The following RERE variants were observed in gnomAD, a reference collection of about 807,000 sequenced individuals.
The protein encoded by RERE is arginine-glutamic acid dipeptide repeats, also known as arginine-glutamic acid dipeptide repeats protein.
In RERE, 40 loss-of-function variants were observed where a neutral mutation model predicts 146.1. That is an observed-to-expected ratio of 0.27 (90% CI 0.21 to 0.36). The LOEUF is 0.36. RERE is among the 10% of genes least tolerant of loss of function. RERE has a pLI of 1.00. For missense variants in RERE, 1,933 were observed against 2,138.7 expected (o/e 0.90, Z 1.90); for synonymous variants, 1,003 against 866.0 (o/e 1.16, Z -2.78).
chr1:8,423,746 G>A lies in RERE; in HGVS notation c.1204-939C>T, dbSNP rs1557625114. The A allele has an allele frequency of 1.6e-5, 15 of 958,856 alleles. No individual in the cohort carries two copies. The highest frequency in any genetic ancestry group is 1.9e-5 in the Non-Finnish European group (15 of 808,792). The allele number at this position is 958,856 out of a possible 1,614,324, so 59.4% of individuals were successfully genotyped here. On this transcript the variant is annotated intron_variant, in intron 11 of 22. Coordinates refer to ENST00000400908, the MANE Select transcript of RERE (RefSeq NM_001042681.2). The surrounding 1 kb of genome is among the most constrained non-coding windows in gnomAD (Gnocchi z 5.4). Reference sequence around the variant, plus strand: ...GGCCGCGCGGCGCGGGGCCCGGGGGGCGCGGGGCTGGGGCCGCCGCTGACG... The same window carrying A: ...GGCCGCGCGGCGCGGGGCCCGGGGGACGCGGGGCTGGGGCCGCCGCTGACG...
chr1:8,546,525 A>G (rs1185332860), intron 6 of RERE, among the ~76,000 whole-genome samples: 1 of 152,010 alleles, frequency 6.6e-6, no homozygotes, highest in African/African-American at 2.4e-5. Flanking sequence ...ATCAATGTGT[A>G]TTCTTTATTA....
At chr1:8,651,019 C>T (rs2124318094) in intron 2 of RERE, among the ~76,000 whole-genome samples, 1 of 152,106 alleles carries the variant, frequency 6.6e-6, no homozygotes, top group Non-Finnish European at 1.5e-5. Context: ...ATTGCTTGAA[C>T]CCAGGAGGCA....
chr1:8,760,202 T>C (rs543657532), intron 1 of RERE, among the ~76,000 whole-genome samples: 56 of 152,282 alleles, frequency 3.7e-4, no homozygotes, highest in African/African-American at 1.3e-3. Context: ...ATTTTTTGTA[T>C]TTTCAGTAGA....
intron 1 of RERE, among the ~76,000 whole-genome samples, chr1:8,659,109 A>G (rs897559778): frequency 6.6e-6 from 1 of 152,366 alleles, no homozygotes; most frequent in African/African-American, 2.4e-5. Context: ...CACTGCCTAC[A>G]AAAGTTTTGC....
chr1:8,530,133 C>A (rs1001635162), intron 7 of RERE, among the ~76,000 whole-genome samples: 6 of 152,148 alleles, frequency 3.9e-5, no homozygotes, highest in Admixed American at 3.9e-4. Flanking sequence ...ACTGCCAAGG[C>A]CTTCCCAGAA....
At position 8,535,926 on chromosome 1, in the gene RERE, T is replaced by C. The variant is rs532807192; in HGVS notation, c.830+5288A>G. On this transcript the variant is annotated intron_variant, in intron 7 of 22. Transcript: ENST00000400908. ...ATGGAGACCATCCTGGCCAACATGG[T>C]GAAACCCCCTCTCTACTAAAAATAC... Among the ~76,000 whole-genome samples the C allele has an allele frequency of 2.0e-5, 3 of 151,978 alleles. No homozygotes were observed. The East Asian group carries it at 5.8e-4, about 29-fold the overall frequency.
chr1:8,798,197 C>T (rs887761874), intron 1 of RERE, among the ~76,000 whole-genome samples: 1 of 152,058 alleles, frequency 6.6e-6, no homozygotes. Flanking sequence ...GAGTTAGAGA[C>T]AAGCCTGGCC....
At chr1:8,459,787 AC>A (rs1050936557) in intron 11 of RERE, among the ~76,000 whole-genome samples, 4 of 152,350 alleles carry the variant, frequency 2.6e-5, no homozygotes, top group African/African-American at 9.6e-5. Context: ...AATAAAAAAA[AC>A]AATCTGCACA....
At chr1:8,486,738 C>T (rs1319960516) in intron 10 of RERE, among the ~76,000 whole-genome samples, 1 of 118,906 alleles carries the variant, frequency 8.4e-6, no homozygotes. Context: ...CCAGCCTTGG[C>T]AACGTGGAGT....
Position 8,392,813 on chromosome 1 carries a change from C to T in RERE, c.1285-26839G>A, listed in dbSNP as rs375278656. ...ATTACCAGCCCTGGAGGGATGTTTG[C>T]GAGCAAAGTTTCAGCTCTTCGTGAA... On this transcript the variant is annotated intron_variant, in intron 12 of 22. Coordinates refer to ENST00000400908, the MANE Select transcript of RERE (RefSeq NM_001042681.2). Among the ~76,000 whole-genome samples the T allele has an allele frequency of 1.1e-4, 16 of 152,274 alleles. No individual in the cohort carries two copies. In the East Asian group the frequency reaches 2.1e-3, roughly 20 times the overall value.
At chr1:8,738,874 C>T (rs1472849749) in intron 1 of RERE, among the ~76,000 whole-genome samples, 1 of 152,180 alleles carries the variant, frequency 6.6e-6, no homozygotes, top group Non-Finnish European at 1.5e-5. Context: ...TGGGCAATCT[C>T]CAATCCAGGT....
rs1293281869 is a variant in RERE at position 8,564,828 on chromosome 1, GTGTA to G, written c.523-7309_523-7306del. Among the ~76,000 whole-genome samples, 564 of 78,770 alleles carry G rather than the reference GTGTA, an allele frequency of 7.2e-3. 3 individuals carry two copies. Among genetic ancestry groups the G allele is most frequent in the African/African-American group, 0.016 (251 of 15,818 alleles). The allele number at this position is 78,770 out of a possible 152,430, so 51.7% of individuals were successfully genotyped here. Reference sequence around the variant, plus strand: ...TGTGTGTATGTATGTGTGTGTATATGTGTATGTGTGTGTGTGTGTGTGTGTGTGT... The same window carrying G: ...TGTGTGTATGTATGTGTGTGTATATGTGTGTGTGTGTGTGTGTGTGTGTGT... On this transcript the variant is annotated intron_variant, in intron 4 of 22. Coordinates refer to ENST00000400908, the MANE Select transcript of RERE (RefSeq NM_001042681.2).
chr1:8,461,494 G>A (rs1021053906), intron 11 of RERE, among the ~76,000 whole-genome samples: 11 of 152,156 alleles, frequency 7.2e-5, no homozygotes, highest in Non-Finnish European at 1.2e-4. Context: ...TGACCCAGGT[G>A]TTGCTCACAG....
intron 12 of RERE, among the ~76,000 whole-genome samples, chr1:8,367,647 C>G (rs115944856): frequency 2.0e-5 from 3 of 152,192 alleles, no homozygotes; most frequent in African/African-American, 7.2e-5. Context: ...CATGTGCCCA[C>G]CCCTCGGTTC....
intron 1 of RERE, among the ~76,000 whole-genome samples, chr1:8,730,343 GTTTT>G (rs1640055222): frequency 6.6e-6 from 1 of 151,810 alleles, no homozygotes; most frequent in Non-Finnish European, 1.5e-5. Flanking sequence ...GGTTTTTTTT[GTTTT>G]TGTTTTTGTT....
chr1:8,539,162 T>C (rs906270671), intron 7 of RERE, among the ~76,000 whole-genome samples: 2 of 152,170 alleles, frequency 1.3e-5, no homozygotes, highest in African/African-American at 4.8e-5. Context: ...ACAATATCAC[T>C]AAAATAACAT....
chr1:8,557,755 G>A (rs893996016), intron 4 of RERE, among the ~76,000 whole-genome samples: 1 of 152,112 alleles, frequency 6.6e-6, no homozygotes, highest in Non-Finnish European at 1.5e-5. Context: ...CTTATTTCAG[G>A]AAACAAAAGG....
At chr1:8,525,966 T>G in intron 7 of RERE, 1 of 1,348,984 alleles carries the variant, frequency 7.4e-7, no homozygotes, top group Non-Finnish European at 9.5e-7. Context: ...AAACTTCCCC[T>G]CACTCTGACA....
intron 7 of RERE, chr1:8,526,029 C>G (rs1044010719): frequency 8.8e-6 from 11 of 1,254,818 alleles, no homozygotes; most frequent in South Asian, 2.7e-5. Context: ...CTCTCCACGA[C>G]GCAATCAATC....
Sources: gnomAD v4.1 joint callset for allele counts (sites outside exome capture counted in the v4.1 genomes callset) on GRCh38, gnomAD v4.1.1 for gene constraint, Gnocchi (gnomAD v3.1) non-coding constraint, MANE v1.5 for transcripts, NCBI Gene and HGNC (gene_info 2026-07-23, HGNC 2026-07-21) for gene names.